Variants in TSHZ2 observed in about 807,000 individuals in gnomAD.
TSHZ2 encodes teashirt homolog 2.
TSHZ2 carries 21 observed loss-of-function variants against 74.4 expected under a neutral mutation model. The ratio of observed to expected loss-of-function variants is 0.28; its 90% CI spans 0.20 to 0.41. The LOEUF (loss-of-function observed/expected upper bound fraction) is 0.41, where lower values mean the gene tolerates loss of function less well. TSHZ2 is among the 10% of genes least tolerant of loss of function. The probability of loss-of-function intolerance (pLI) is 1.00; values close to 1 mark genes in which losing one functional copy is unlikely to be tolerated. For missense variants in TSHZ2, 1,244 were observed against 1,293.5 expected (o/e 0.96, Z 0.59); for synonymous variants, 540 against 515.3 (o/e 1.05, Z -0.65).
At chr20:53,159,400 C>T (rs1211408092) in intron 1 of TSHZ2, among the ~76,000 whole-genome samples, 2 of 152,152 alleles carry the variant, frequency 1.3e-5, no homozygotes, top group African/African-American at 2.4e-5. Context: ...AGCTTCTGTA[C>T]TATAATGGCA....
At chr20:53,068,750 C>G (rs1001952587) in intron 1 of TSHZ2, among the ~76,000 whole-genome samples, 2 of 151,976 alleles carry the variant, frequency 1.3e-5, no homozygotes. Flanking sequence ...TGGTTAAGTC[C>G]CATAGGACAC....
intron 2 of TSHZ2, among the ~76,000 whole-genome samples, chr20:53,446,594 A>AG (rs1491583881): frequency 4.0e-5 from 6 of 150,144 alleles, no homozygotes; most frequent in African/African-American, 4.9e-5. Flanking sequence ...AAAAAAAAAA[A>AG]AGAGAGAGAA....
chr20:53,158,224 G>A (rs1469072291), intron 1 of TSHZ2, among the ~76,000 whole-genome samples: 1 of 152,180 alleles, frequency 6.6e-6, no homozygotes, highest in Non-Finnish European at 1.5e-5. Flanking sequence ...GGCAAAAGTG[G>A]AAGAGGCCAC....
chr20:53,215,348 C>T (rs1349517930), intron 1 of TSHZ2, among the ~76,000 whole-genome samples: 2 of 151,954 alleles, frequency 1.3e-5, no homozygotes, highest in East Asian at 1.9e-4. Context: ...ATATGAAAAG[C>T]GTTCTCACCA....
intron 1 of TSHZ2, among the ~76,000 whole-genome samples, chr20:53,027,957 T>A (rs1440907724): frequency 6.6e-6 from 1 of 152,014 alleles, no homozygotes; most frequent in African/African-American, 2.4e-5. Flanking sequence ...AGGACTGCAG[T>A]CAGGGGAAAA....
At chr20:53,104,405 A>C (rs1431981011) in intron 1 of TSHZ2, among the ~76,000 whole-genome samples, 1 of 152,220 alleles carries the variant, frequency 6.6e-6, no homozygotes, top group African/African-American at 2.4e-5. Context: ...ATCCAGAGAA[A>C]GTACTTTTCA....
At chr20:53,295,736 C>G (rs1433531039) in intron 2 of TSHZ2, among the ~76,000 whole-genome samples, 3 of 152,160 alleles carry the variant, frequency 2.0e-5, no homozygotes, top group Non-Finnish European at 4.4e-5. Flanking sequence ...TTGCCTAAGT[C>G]TTGGAGCTGA....
intron 1 of TSHZ2, among the ~76,000 whole-genome samples, 197 bp from the exon 2 acceptor site, chr20:53,253,302 A>G (rs1372402881): frequency 3.7e-5 from 2 of 54,402 alleles, no homozygotes; most frequent in Admixed American, 1.5e-4. Context: ...CTGCCAATTG[A>G]AAAAAAAAAA....
intron 2 of TSHZ2, among the ~76,000 whole-genome samples, chr20:53,271,606 A>G (rs1386518487): frequency 2.0e-5 from 3 of 152,234 alleles, no homozygotes; most frequent in Non-Finnish European, 4.4e-5. Context: ...GCCAGTGGGG[A>G]AAAGAGGGGT....
chr20:53,180,253 A>C (rs1023348159), intron 1 of TSHZ2, among the ~76,000 whole-genome samples: 1 of 152,226 alleles, frequency 6.6e-6, no homozygotes, highest in Non-Finnish European at 1.5e-5. Context: ...GCACATTACC[A>C]AAATCCATCT....
chr20:53,435,391 C>T (rs566615439), intron 2 of TSHZ2, among the ~76,000 whole-genome samples: 121 of 152,272 alleles, frequency 7.9e-4, no homozygotes, highest in Middle Eastern at 6.8e-3. Context: ...CTTTGTTTTT[C>T]CCCCGCCCCG....
intron 2 of TSHZ2, among the ~76,000 whole-genome samples, chr20:53,344,921 A>T (rs976905940): frequency 2.0e-5 from 3 of 152,210 alleles, no homozygotes; most frequent in African/African-American, 7.2e-5. Flanking sequence ...TTGTGTAAAA[A>T]AATAAAATAC....
chr20:53,428,960 T>C (rs1983747103), intron 2 of TSHZ2, among the ~76,000 whole-genome samples: 1 of 152,224 alleles, frequency 6.6e-6, no homozygotes, highest in East Asian at 1.9e-4. Flanking sequence ...TAGATGGTTG[T>C]ATCTCAAAGT....
chr20:53,014,154 G>GT (rs1224856594), intron 1 of TSHZ2, among the ~76,000 whole-genome samples: 2 of 151,942 alleles, frequency 1.3e-5, no homozygotes, highest in African/African-American at 4.8e-5. Flanking sequence ...CTGGTAAAGG[G>GT]TTTTTTTCTG....
At chr20:53,376,513 A>G (rs1269797962) in intron 2 of TSHZ2, among the ~76,000 whole-genome samples, 2 of 152,220 alleles carry the variant, frequency 1.3e-5, no homozygotes, top group African/African-American at 4.8e-5. Context: ...GGCTTAAAAA[A>G]TAATTTATTA....
rs1367739030 is a variant in TSHZ2, at chr20:53,469,713, AGAGGGAGGAAGG to A, written c.*9-17418_*9-17407del. ...GGACCCAAGAAAGATAGAGAAAGAG[AGAGGGAGGAAGG>A]GAGGGAGGAAGGAAGGAAGGACCCA... On this transcript the variant is annotated intron_variant, in intron 2 of 2. Transcript: ENST00000371497. 2.2e-4 allele frequency among the ~76,000 whole-genome samples: 16 copies of A among 71,994 alleles called. 1 individual carries two copies. The highest frequency in any genetic ancestry group is 8.3e-4 in the African/African-American group (16 of 19,162). 47.2% of individuals were successfully genotyped at this position (71,994 alleles called of 152,430 possible).
At chr20:53,454,077 C>T (rs1984942264) in intron 2 of TSHZ2, among the ~76,000 whole-genome samples, 1 of 152,158 alleles carries the variant, frequency 6.6e-6, no homozygotes, top group African/African-American at 2.4e-5. Flanking sequence ...TTGTCTTTGC[C>T]ATAAACTTAA....
At chr20:53,233,957 C>T (rs1158752345) in intron 1 of TSHZ2, among the ~76,000 whole-genome samples, 4 of 152,146 alleles carry the variant, frequency 2.6e-5, no homozygotes, top group African/African-American at 7.2e-5. Context: ...CTTTAGGAAG[C>T]ATATTCAATA....
rs1990437426 is a variant in TSHZ2, at chr20:53,255,171, C to T, written c.1713C>T (p.Leu571=). Residue 571 remains leucine (L), a synonymous_variant, in exon 2 of 3, where the codon CTC becomes CTT. Transcript: ENST00000371497. This position sits in a 1 kb window ranked among gnomAD's most constrained non-coding sequence, Gnocchi z 4.1. ...GSQVLQIRPN[L]TNKLRPIAPK... ...AGGTACTGCAGATCCGGCCTAATCT[C>T]ACCAACAAGCTGAGGCCCATTGCAC... 1.9e-6 allele frequency: 3 copies of T among 1,614,078 alleles called. No homozygotes were observed. Among genetic ancestry groups the T allele is most frequent in the Admixed American group, 3.3e-5 (2 of 60,000 alleles).
Sources: gnomAD v4.1 joint callset for allele counts (sites outside exome capture counted in the v4.1 genomes callset) on GRCh38, gnomAD v4.1.1 for gene constraint, Gnocchi (gnomAD v3.1) non-coding constraint, MANE v1.5 for transcripts, NCBI Gene and HGNC (gene_info 2026-07-23, HGNC 2026-07-21) for gene names.